Variants in UNC79 observed in about 807,000 individuals in gnomAD.
The protein encoded by UNC79 is unc-79 subunit of NALCN channel complex, also known as protein unc-79 homolog.
UNC79 carries 37 observed loss-of-function variants against 283.1 expected under a neutral mutation model. The ratio of observed to expected loss-of-function variants is 0.13; its 90% CI spans 0.10 to 0.17. The LOEUF (loss-of-function observed/expected upper bound fraction) is 0.17. UNC79 is among the 10% of genes least tolerant of loss of function. The pLI is 1.00. For missense variants in UNC79, 2,272 were observed against 3,211.1 expected, an observed-to-expected ratio of 0.71 and a Z score of 7.07; for synonymous variants, 1,107 against 1,200.2, an observed-to-expected ratio of 0.92 and a Z score of 1.61.
chr14:93,558,706 C>G (rs1251057578), intron 14 of UNC79, among the ~76,000 whole-genome samples: 1 of 143,194 alleles, frequency 7.0e-6, no homozygotes, highest in Admixed American at 7.4e-5. Flanking sequence ...AATTCTTACC[C>G]TTTTGCCTGC....
intron 48 of UNC79, 52 bp downstream of exon 51, chr14:93,704,718 T>C (rs998112866): frequency 1.3e-6 from 2 of 1,587,896 alleles, no homozygotes; most frequent in African/African-American, 1.3e-5. Context: ...AGAGAACGTA[T>C]AACGTTCCTA....
At chr14:93,475,029 A>G (rs1196139267) in intron 3 of UNC79, among the ~76,000 whole-genome samples, 2 of 152,154 alleles carry the variant, frequency 1.3e-5, no homozygotes, top group African/African-American at 2.4e-5. Context: ...ACAATATATG[A>G]TATTAGTGGT....
intron 7 of UNC79, among the ~76,000 whole-genome samples, chr14:93,510,999 G>T (rs1301519206): frequency 2.6e-5 from 4 of 152,182 alleles, no homozygotes; most frequent in Admixed American, 2.6e-4. Context: ...TGGTTCTGTG[G>T]GTTATATTGG....
chr14:93,370,741 C>T (rs1035236812), intron 1 of UNC79, among the ~76,000 whole-genome samples: 12 of 152,004 alleles, frequency 7.9e-5, no homozygotes, highest in Admixed American at 2.0e-4. Flanking sequence ...CATTGCACTC[C>T]GGCCTGGGCT....
intron 11 of UNC79, among the ~76,000 whole-genome samples, chr14:93,535,079 A>G (rs930178661): frequency 1.3e-5 from 2 of 152,192 alleles, no homozygotes; most frequent in East Asian, 3.9e-4. Context: ...GATTATTTCA[A>G]TTCTGTGATT....
intron 14 of UNC79, 116 bp downstream of exon 14, chr14:93,542,812 T>A: frequency 1.1e-6 from 1 of 909,038 alleles, no homozygotes; most frequent in Non-Finnish European, 1.7e-6. Context: ...CTCCTTATTT[T>A]AATTAATATA....
intron 25 of UNC79, 105 bp downstream of exon 25, chr14:93,600,875 C>A: frequency 8.1e-7 from 1 of 1,230,994 alleles, no homozygotes; most frequent in Admixed American, 2.4e-5. Flanking sequence ...ACAGAGGATG[C>A]CTTGACCTCA....
At position 93,688,546 on chromosome 14, in the gene UNC79, G is replaced by T. The variant is rs1388377546; in HGVS notation, c.6910-119G>T. On this transcript the variant is annotated intron_variant, in intron 43 of 48. Transcript: ENST00000555664. The surrounding 1 kb of genome is among the most constrained non-coding windows in gnomAD (Gnocchi z 4.0). The stretch of plus-strand genomic sequence containing the variant: ...GGAAGGCTCTGAAGAAGTTTAAGCA[G>T]GTTGTTTGCTCAGAGTGGCGATAAG... 7 of 1,133,880 alleles carry T rather than the reference G, an allele frequency of 6.2e-6. No homozygotes were observed. The African/African-American group carries it at 1.1e-4, about 18-fold the overall frequency. The allele number at this position is 1,133,880 out of a possible 1,614,324, so 70.2% of individuals were successfully genotyped here. A position where few individuals can be genotyped will look rare whatever the true frequency, so the allele number is the denominator to read the frequency against.
Position 93,617,372 on chromosome 14 carries a change from A to G in UNC79, c.4224+68A>G. ...TTAGAGAGCATATAGCATTAGGAGA[A>G]CACCTGAGTCTTTAGTTGAAAATTT... On this transcript the variant is annotated intron_variant, in intron 28 of 48. Coordinates refer to ENST00000555664, the Ensembl canonical transcript of UNC79. The surrounding 1 kb of genome is among the most constrained non-coding windows in gnomAD (Gnocchi z 4.5). 6.7e-7 allele frequency: 1 copy of G among 1,494,450 alleles called. No individual in the cohort carries two copies. The highest frequency in any genetic ancestry group is 2.3e-5 in the East Asian group (1 of 42,734). The allele number at this position is 1,494,450 out of a possible 1,614,324, so 92.6% of individuals were successfully genotyped here.
chr14:93,353,781 A>G (rs1164000198), intron 1 of UNC79, among the ~76,000 whole-genome samples: 2 of 152,232 alleles, frequency 1.3e-5, no homozygotes, highest in African/African-American at 4.8e-5. Flanking sequence ...ACCACTGTAC[A>G]CTGTGCTAGG....
rs2140073908 is a variant in UNC79 at position 93,630,868 on chromosome 14, T to A, written c.5676T>A (p.Asp1892Glu). 1 of 1,614,114 alleles carries A rather than the reference T, an allele frequency of 6.2e-7. No individual in the cohort carries two copies. The highest frequency in any genetic ancestry group is 1.6e-4 in the Middle Eastern group (1 of 6,062). The change falls in exon 31 of 49, where the codon GAT becomes GAA. Residue 1892 changes from aspartate to glutamate, a missense_variant. Around this residue, in one of 11 missense-constraint regions of UNC79, gnomAD observed 580 missense variants for 632.2 expected, o/e 0.92. Coordinates refer to ENST00000555664, the Ensembl canonical transcript of UNC79. The stretch of plus-strand genomic sequence containing the variant: ...AATCTTCATCTGCCCCTACGTTAGA[T>A]GCAGGTGTGCCGGAAACAAGTAGCC...
At chr14:93,554,630 G>C (rs996350389) in intron 14 of UNC79, among the ~76,000 whole-genome samples, 6 of 152,056 alleles carry the variant, frequency 3.9e-5, no homozygotes, top group African/African-American at 1.4e-4. Context: ...GTGTTAGCAA[G>C]CTTTTATTTT....
chr14:93,447,736 A>G (rs887366447), intron 1 of UNC79, among the ~76,000 whole-genome samples: 1 of 152,052 alleles, frequency 6.6e-6, no homozygotes, highest in African/African-American at 2.4e-5. Context: ...TTATTCTTGA[A>G]TAATATTTTT....
chr14:93,491,433 A>T (rs1029746835), intron 5 of UNC79, among the ~76,000 whole-genome samples: 3 of 152,146 alleles, frequency 2.0e-5, no homozygotes, highest in Non-Finnish European at 4.4e-5. Context: ...TTAGAGTCTC[A>T]TCATGCCAGT....
At chr14:93,588,175 T>A (rs1042882298) in intron 22 of UNC79, among the ~76,000 whole-genome samples, 2 of 152,106 alleles carry the variant, frequency 1.3e-5, no homozygotes, top group African/African-American at 4.8e-5. Context: ...ATGAAGGGCC[T>A]TGAAGATAGG....
chr14:93,345,920 A>G (rs937173266), intron 1 of UNC79, among the ~76,000 whole-genome samples: 5 of 151,560 alleles, frequency 3.3e-5, no homozygotes, highest in African/African-American at 9.7e-5. Context: ...CAAAAGGAAA[A>G]AAGAGGGTAC....
chr14:93,600,550 T>C lies in UNC79; in HGVS notation c.3373-19T>C, dbSNP rs745751557. 6.4e-7 allele frequency: 1 copy of C among 1,564,930 alleles called. No homozygotes were observed. The highest frequency in any genetic ancestry group is 8.6e-7 in the Non-Finnish European group (1 of 1,158,724). The stretch of plus-strand genomic sequence containing the variant: ...TCTGACTTTCTTCTTTTCTTTTTTT[T>C]TTTCCTCCTCTTTCCCAGGGTCTAT... On this transcript the variant is annotated intron_variant, in intron 24 of 48. Transcript: ENST00000555664.
intron 1 of UNC79, among the ~76,000 whole-genome samples, chr14:93,381,720 A>G (rs2054668927): frequency 6.6e-6 from 1 of 152,202 alleles, no homozygotes; most frequent in African/African-American, 2.4e-5. Flanking sequence ...TCCAGAAGAG[A>G]TATATTTGCA....
At position 93,617,262 on chromosome 14, in the gene UNC79, C is replaced by A; in HGVS notation, c.4182C>A (p.Ile1394=). 1 of 1,614,154 alleles carries A rather than the reference C, an allele frequency of 6.2e-7. No individual in the cohort carries two copies. Among genetic ancestry groups the A allele is most frequent in the Non-Finnish European group, 8.5e-7 (1 of 1,180,030 alleles). ...CCCTCTGGTCCCTAAAGCCTCACATCCGGCAGATGTGGTTGAAGGCCTTGC... is the reference window on the plus strand; with the variant it reads ...CCCTCTGGTCCCTAAAGCCTCACATACGGCAGATGTGGTTGAAGGCCTTGC... The change falls in exon 28 of 49, where the codon ATC becomes ATA. Residue 1394 remains isoleucine (I), a synonymous_variant. Coordinates refer to ENST00000555664, the Ensembl canonical transcript of UNC79. The surrounding 1 kb of genome is among the most constrained non-coding windows in gnomAD (Gnocchi z 4.5).
Sources: allele counts gnomAD v4.1 joint callset (sites outside exome capture counted in the v4.1 genomes callset), GRCh38; gene constraint gnomAD v4.1.1; regional missense constraint gnomAD v4.1.1; non-coding constraint Gnocchi (gnomAD v3.1); transcripts MANE v1.5; gene names NCBI Gene and HGNC (gene_info 2026-07-23, HGNC 2026-07-21).